HOXA3: variants seen among roughly 807,000 people sequenced by gnomAD.
The protein encoded by HOXA3 is homeobox protein Hox-A3.
Under a neutral mutation model 30.3 loss-of-function variants are expected in HOXA3, and 8 were observed. The ratio of observed to expected loss-of-function variants is 0.26; its 90% CI spans 0.15 to 0.48. The LOEUF is 0.48. HOXA3 is among the 20% of genes least tolerant of loss of function. The pLI, the probability that HOXA3 is intolerant of heterozygous loss-of-function variation, is 0.99. For missense variants in HOXA3, 653 were observed against 614.4 expected (o/e 1.06, Z -0.66); for synonymous variants, 323 against 273.1 (o/e 1.18, Z -1.80).
chr7:27,137,505 T>C (rs1785751621), intron 2 of HOXA3, among the ~76,000 whole-genome samples: 1 of 152,162 alleles, frequency 6.6e-6, no homozygotes, highest in South Asian at 2.1e-4. Context: ...TTTTTCTTAG[T>C]AAGTTCCTCT....
In HOXA3 at chr7:27,110,378, G is replaced by C. The variant is rs1038708524; in HGVS notation, c.263C>G (p.Pro88Arg). The change falls in exon 5 of 6, where the codon CCG becomes CGG. Residue 88 changes from proline (P) to arginine (R), a missense_variant. Physicochemically the swap from Pro to Arg is moderately radical, Grantham distance 103. Coordinates refer to ENST00000612286, the MANE Select transcript of HOXA3 (RefSeq NM_153631.3). ...CTGGGGCGGCGGCGGGTGCAGGGGC[G>C]GCTCTCCCAGGCTTGGAGGCTGGCT... ...PPSQPPSLGE[P>R]PLHPPPPQAA... The C allele has an allele frequency of 4.0e-6, 6 of 1,516,986 alleles. No individual in the cohort carries two copies. In the African/African-American group the frequency reaches 8.2e-5, roughly 21 times the overall value. 94.0% of individuals were successfully genotyped at this position (1,516,986 alleles called of 1,614,324 possible). A position where few individuals can be genotyped will look rare whatever the true frequency, so the allele number is the denominator to read the frequency against.
chr7:27,138,182 G>A (rs1785771198), intron 2 of HOXA3, among the ~76,000 whole-genome samples: 1 of 152,166 alleles, frequency 6.6e-6, no homozygotes, highest in Non-Finnish European at 1.5e-5. Context: ...CTTCTTGAAT[G>A]CTGAAATACC....
chr7:27,128,940 T>G lies in HOXA3; in HGVS notation c.-389-1870A>C. 6.2e-6 allele frequency: 3 copies of G among 481,414 alleles called. No individual in the cohort carries two copies. In the South Asian group the frequency reaches 7.1e-5, roughly 11 times the overall value. The allele number at this position is 481,414 out of a possible 1,614,324, so 29.8% of individuals were successfully genotyped here. A position where few individuals can be genotyped will look rare whatever the true frequency, so the allele number is the denominator to read the frequency against. ...GCTGACTGTAGCCATCTCAAAAGTA[T>G]TTGATACCAAGTAGTCCTTCTCAGG... is the stretch of plus-strand genomic sequence containing the variant. On this transcript the variant is annotated intron_variant, in intron 2 of 5. Transcript: ENST00000612286.
chr7:27,144,931 C>T (rs1782697176), intron 1 of HOXA3, among the ~76,000 whole-genome samples: 1 of 152,174 alleles, frequency 6.6e-6, no homozygotes, highest in African/African-American at 2.4e-5. Context: ...CGGGCGCTAT[C>T]GGAGGCTGGG....
intron 4 of HOXA3, among the ~76,000 whole-genome samples, chr7:27,114,573 G>A (rs911597723): frequency 2.6e-5 from 4 of 151,434 alleles, no homozygotes; most frequent in African/African-American, 9.7e-5. Context: ...TGTCCTGGGA[G>A]AGACAGGTAC....
At chr7:27,152,190 GC>G in intron 1 of HOXA3, 97 bp downstream of exon 1, 2 of 566,210 alleles carry the variant, frequency 3.5e-6, no homozygotes, top group Non-Finnish European at 5.4e-6. Flanking sequence ...GGGGGAGTAT[GC>G]CCCTCTTAAA....
At chr7:27,130,872 ACTC>A in intron 2 of HOXA3, 3 of 681,906 alleles carry the variant, frequency 4.4e-6, no homozygotes, top group Non-Finnish European at 6.8e-6. Flanking sequence ...TCAAGTGCCC[ACTC>A]CTCCCCCTCC....
chr7:27,144,755 C>T (rs1206782901), intron 1 of HOXA3, among the ~76,000 whole-genome samples: 1 of 152,354 alleles, frequency 6.6e-6, no homozygotes, highest in Non-Finnish European at 1.5e-5. Flanking sequence ...TTCCACGGCT[C>T]CGAAAGACTC....
chr7:27,145,309 C>T (rs1186446973), intron 1 of HOXA3: 4 of 286,110 alleles, frequency 1.4e-5, no homozygotes, highest in Non-Finnish European at 2.6e-5. Context: ...TCGGGGAGCT[C>T]AGAGACACTA....
intron 1 of HOXA3, among the ~76,000 whole-genome samples, chr7:27,145,233 A>C (rs193195779): frequency 6.6e-6 from 1 of 152,214 alleles, no homozygotes; most frequent in Non-Finnish European, 1.5e-5. Context: ...TTAGGCAGAG[A>C]CGCCCAGACA....
At chr7:27,117,466 GTCTT>G (rs1336340241) in intron 4 of HOXA3, among the ~76,000 whole-genome samples, 1 of 152,134 alleles carries the variant, frequency 6.6e-6, no homozygotes, top group Non-Finnish European at 1.5e-5. Flanking sequence ...GGTCTGAGCT[GTCTT>G]TCTTCAACCC....
intron 4 of HOXA3, among the ~76,000 whole-genome samples, chr7:27,118,415 C>T (rs947147030): frequency 1.3e-5 from 2 of 152,166 alleles, no homozygotes; most frequent in African/African-American, 4.8e-5. Context: ...CGTGGTCATA[C>T]GTCAACTTAA....
At chr7:27,114,488 T>C (rs1784566308) in intron 4 of HOXA3, among the ~76,000 whole-genome samples, 2 of 151,818 alleles carry the variant, frequency 1.3e-5, no homozygotes, top group Admixed American at 1.3e-4. Context: ...CTAGAGACCC[T>C]CAAGAGCCAA....
intron 2 of HOXA3, among the ~76,000 whole-genome samples, chr7:27,136,432 T>C (rs1449726942): frequency 2.6e-5 from 4 of 152,118 alleles, no homozygotes. Context: ...TTGCAAAAAG[T>C]GAAAGAAAAG....
At chr7:27,143,707 A>G (rs1782657006) in intron 1 of HOXA3, 3 of 1,475,146 alleles carry the variant, frequency 2.0e-6, no homozygotes, top group South Asian at 1.4e-5. Context: ...TGACTGGGAC[A>G]TGTACTTGGT....
intron 1 of HOXA3, chr7:27,143,600 G>C (rs764672756): frequency 6.3e-7 from 1 of 1,594,214 alleles, no homozygotes; most frequent in South Asian, 1.1e-5. Context: ...TACAAAATAA[G>C]AGCTCATTTG....
At chr7:27,147,744 A>G in intron 1 of HOXA3, 1 of 1,601,020 alleles carries the variant, frequency 6.2e-7, no homozygotes, top group South Asian at 1.1e-5. Context: ...CAAAATAGGA[A>G]CTCATTTGCG....
chr7:27,143,058 G>T, intron 1 of HOXA3: 1 of 1,529,252 alleles, frequency 6.5e-7, no homozygotes, highest in Non-Finnish European at 8.7e-7. Context: ...TGACTTATGT[G>T]CAGCTTGCGC....
chr7:27,144,072 G>C (rs1175293096), intron 1 of HOXA3, among the ~76,000 whole-genome samples: 2 of 152,248 alleles, frequency 1.3e-5, no homozygotes, highest in African/African-American at 4.8e-5. Context: ...GCTGCCGATC[G>C]CGCGCCCGGC....
Sources: allele counts gnomAD v4.1 joint callset (sites outside exome capture counted in the v4.1 genomes callset), GRCh38; gene constraint gnomAD v4.1.1; transcripts MANE v1.5; gene names NCBI Gene and HGNC (gene_info 2026-07-23, HGNC 2026-07-21).